The following WDFY3 variants were observed in gnomAD, a reference collection of about 807,000 sequenced individuals.
The protein encoded by WDFY3 is WD repeat and FYVE domain-containing protein 3.
WDFY3 carries 66 observed loss-of-function variants against 409.6 expected under a neutral mutation model. The observed-to-expected ratio is 0.16, with a 90% CI of 0.13 to 0.20. WDFY3 has a LOEUF of 0.20. Among genes scored for constraint, WDFY3 ranks in the 10% least tolerant of loss-of-function variants. WDFY3 has a pLI of 1.00. For synonymous variants in WDFY3, 1,521 were observed against 1,537.1 expected (o/e 0.99, Z 0.25); for missense variants, 3,031 against 4,298.1 (o/e 0.71, Z 8.24).
At chr4:84,743,183 CT>C (rs1236869817) in intron 37 of WDFY3, among the ~76,000 whole-genome samples, 32 of 152,104 alleles carry the variant, frequency 2.1e-4, no homozygotes, top group Non-Finnish European at 2.9e-5. Flanking sequence ...TTTTATAATT[CT>C]ACTTTGTTTT....
chr4:84,819,198 G>C (rs1454083573), intron 12 of WDFY3, among the ~76,000 whole-genome samples: 1 of 151,904 alleles, frequency 6.6e-6, no homozygotes, highest in Non-Finnish European at 1.5e-5. Flanking sequence ...CTAATTCCCA[G>C]GGAGCAAGAA....
At chr4:84,732,034 T>C (rs1173586012) in intron 44 of WDFY3, among the ~76,000 whole-genome samples, 2 of 152,208 alleles carry the variant, frequency 1.3e-5, no homozygotes, top group African/African-American at 2.4e-5. Context: ...TTTGCTCTTA[T>C]AAAAGTAAGT....
At chr4:84,912,051 C>T (rs1460426562) in intron 2 of WDFY3, among the ~76,000 whole-genome samples, 1 of 152,172 alleles carries the variant, frequency 6.6e-6, no homozygotes, top group Non-Finnish European at 1.5e-5. Flanking sequence ...AGCAGTTTGT[C>T]TCTCCAGTAA....
chr4:84,820,102 C>T lies in WDFY3; in HGVS notation c.1676G>A (p.Gly559Glu). Residue 559 changes from glycine to glutamate, a missense_variant, in exon 12 of 68, where the codon GGA becomes GAA. Gly to Glu is a moderately conservative substitution (Grantham distance 98). Transcript: ENST00000295888. ...TAAATTACCTGCATTTGTGTTTGAT[C>T]CTTGAAGAAGCACTGTCAAGGTCTC... ...VMETLTVLLQGSNTNAGIFRE... is the reference protein window; with the variant it reads ...VMETLTVLLQESNTNAGIFRE... 6.2e-7 allele frequency: 1 copy of T among 1,600,632 alleles called. No individual in the cohort carries two copies. Among genetic ancestry groups the T allele is most frequent in the African/African-American group, 1.3e-5 (1 of 74,456 alleles).
intron 1 of WDFY3, among the ~76,000 whole-genome samples, chr4:84,944,374 T>C (rs1044452416): frequency 1.3e-5 from 2 of 151,448 alleles, no homozygotes; most frequent in South Asian, 2.1e-4. Context: ...AAATAAAAAA[T>C]ACAAAAAATT....
At position 84,781,818 on chromosome 4, in the gene WDFY3, AC is replaced by A. The variant is rs536911361; in HGVS notation, c.4174+1144del. 6.6e-5 allele frequency among the ~76,000 whole-genome samples: 10 copies of A among 152,296 alleles called. No homozygotes were observed. In the East Asian group the frequency reaches 1.5e-3, roughly 23 times the overall value. On this transcript the variant is annotated intron_variant, in intron 25 of 67. Coordinates refer to ENST00000295888, the MANE Select transcript of WDFY3 (RefSeq NM_014991.6). Reference sequence around the variant, plus strand: ...AGTATTTTTTGAATAAAAGAACGCTACCACGTGCTTTAGAGTAAAGAAAATT... The same window carrying A: ...AGTATTTTTTGAATAAAAGAACGCTACACGTGCTTTAGAGTAAAGAAAATT...
At chr4:84,725,160 G>A (rs1307144786) in intron 45 of WDFY3, among the ~76,000 whole-genome samples, 1 of 152,140 alleles carries the variant, frequency 6.6e-6, no homozygotes, top group Non-Finnish European at 1.5e-5. Flanking sequence ...TGAGAGTCCT[G>A]ACCCAAAAAG....
At chr4:84,800,748 G>A (rs1750376989) in intron 17 of WDFY3, among the ~76,000 whole-genome samples, 1 of 152,134 alleles carries the variant, frequency 6.6e-6, no homozygotes, top group South Asian at 2.1e-4. Flanking sequence ...AGATCATCAG[G>A]TATTAGATTA....
At position 84,672,438 on chromosome 4, in the gene WDFY3, T is replaced by C. The variant is rs2148689733; in HGVS notation, c.*430A>G. The C allele has an allele frequency of 6.5e-6, 1 of 153,078 alleles. No homozygotes were observed. Among genetic ancestry groups the C allele is most frequent in the South Asian group, 2.1e-4 (1 of 4,854 alleles). The allele number at this position is 153,078 out of a possible 1,614,324, so 9.5% of individuals were successfully genotyped here. On this transcript the variant is annotated 3_prime_UTR_variant, in exon 68 of 68. Transcript: ENST00000295888. ...TTATTTAGAAAAAAGGCCTTTTATA[T>C]CTATTTACAATATACATAGTTACTT...
chr4:84,760,287 C>T (rs537630403), intron 32 of WDFY3, among the ~76,000 whole-genome samples: 29 of 151,752 alleles, frequency 1.9e-4, no homozygotes, highest in African/African-American at 6.3e-4. Flanking sequence ...TGTCTCTGCC[C>T]GGCTTTGGTA....
chr4:84,835,183 T>A (rs1160118354), intron 7 of WDFY3, among the ~76,000 whole-genome samples: 3 of 152,330 alleles, frequency 2.0e-5, no homozygotes, highest in Admixed American at 6.5e-5. Flanking sequence ...AATAATTTTT[T>A]AAAAAACTTT....
At chr4:84,798,301 T>C (rs567211271) in intron 17 of WDFY3, among the ~76,000 whole-genome samples, 193 bp from the exon 18 acceptor site, 8 of 152,288 alleles carry the variant, frequency 5.3e-5, no homozygotes, top group African/African-American at 1.2e-4. Context: ...ACATATTTTT[T>C]AGAATGTTTT....
chr4:84,926,987 T>G (rs1202656246), intron 2 of WDFY3, among the ~76,000 whole-genome samples: 3 of 152,220 alleles, frequency 2.0e-5, no homozygotes, highest in Non-Finnish European at 4.4e-5. Context: ...GAATACCACG[T>G]AGAAATCCTA....
At chr4:84,682,492 A>C in intron 63 of WDFY3, 22 bp from the exon 64 acceptor site, 1 of 1,599,156 alleles carries the variant, frequency 6.3e-7, no homozygotes, top group Non-Finnish European at 8.5e-7. Flanking sequence ...TAAGTACAAA[A>C]ATTAAAAAGT....
At chr4:84,804,472 T>G (rs1414408979) in intron 15 of WDFY3, among the ~76,000 whole-genome samples, 11 of 152,200 alleles carry the variant, frequency 7.2e-5, no homozygotes, top group Admixed American at 7.2e-4. Context: ...ACAGGGATTC[T>G]AGGAAAATGT....
chr4:84,863,068 C>T (rs1760875978), intron 3 of WDFY3, among the ~76,000 whole-genome samples: 1 of 152,192 alleles, frequency 6.6e-6, no homozygotes, highest in Admixed American at 6.5e-5. Context: ...TAATATTCCA[C>T]TCTGTGTGCT....
chr4:84,789,650 C>T, intron 22 of WDFY3, 76 bp downstream of exon 22: 1 of 1,373,008 alleles, frequency 7.3e-7, no homozygotes, highest in Non-Finnish European at 1.0e-6. Flanking sequence ...CACACACACA[C>T]ACACACACAC....
At chr4:84,858,180 A>T (rs1760035940) in intron 4 of WDFY3, among the ~76,000 whole-genome samples, 1 of 152,214 alleles carries the variant, frequency 6.6e-6, no homozygotes, top group Non-Finnish European at 1.5e-5. Flanking sequence ...ACAAACACTT[A>T]TTAAGTGCTG....
chr4:84,905,069 C>A (rs1256583226), intron 2 of WDFY3, among the ~76,000 whole-genome samples: 1 of 152,026 alleles, frequency 6.6e-6, no homozygotes, highest in African/African-American at 2.4e-5. Context: ...CTGGTCCCTA[C>A]ACACACCTGT....
Sources: allele counts gnomAD v4.1 joint callset (sites outside exome capture counted in the v4.1 genomes callset), GRCh38; gene constraint gnomAD v4.1.1; transcripts MANE v1.5; gene names NCBI Gene and HGNC (gene_info 2026-07-23, HGNC 2026-07-21).